NARF: variants seen among roughly 807,000 people sequenced by gnomAD.
The protein encoded by NARF is iron-only hydrogenase-like protein 2.
Under a neutral mutation model 48.0 loss-of-function variants are expected in NARF, and 41 were observed. The observed-to-expected ratio is 0.85, with a 90% CI of 0.66 to 1.11. The LOEUF (loss-of-function observed/expected upper bound fraction) is 1.11, where lower values mean the gene tolerates loss of function less well. NARF is among the 50% of genes least tolerant of loss of function. The pLI is 0.00. For missense variants in NARF, 613 were observed against 590.2 expected (o/e 1.04, Z -0.40); for synonymous variants, 215 against 225.5 (o/e 0.95, Z 0.42).
rs749733082 is a variant in NARF, at chr17:82,485,673, C to T, written c.1129+19C>T. 10 of 1,612,926 alleles carry T rather than the reference C, an allele frequency of 6.2e-6. No individual in the cohort carries two copies. In the Admixed American group the frequency reaches 1.7e-4, roughly 27 times the overall value. Reference sequence around the variant, plus strand: ...GCTGGAGGTGAGGCGCCAAGAGCAGCACCTGGCTCTGTCTCCCACGGGTGC... The same window carrying T: ...GCTGGAGGTGAGGCGCCAAGAGCAGTACCTGGCTCTGTCTCCCACGGGTGC... On this transcript the variant is annotated intron_variant, in intron 10 of 10. Transcript: ENST00000309794.
intron 9 of NARF, 84 bp downstream of exon 9, chr17:82,485,034 G>T: frequency 6.9e-7 from 1 of 1,445,442 alleles, no homozygotes; most frequent in South Asian, 1.5e-5. Flanking sequence ...GCATGTGGCG[G>T]TTCTATGGAT....
chr17:82,466,113 A>T (rs2143843262), intron 3 of NARF, among the ~76,000 whole-genome samples: 1 of 152,306 alleles, frequency 6.6e-6, no homozygotes, highest in South Asian at 2.1e-4. Context: ...TGTTACGTTG[A>T]ACAGACTTAG....
chr17:82,475,329 A>G (rs1213693112), intron 5 of NARF, among the ~76,000 whole-genome samples: 1 of 152,214 alleles, frequency 6.6e-6, no homozygotes, highest in Non-Finnish European at 1.5e-5. Context: ...GGCCGGGCGC[A>G]GTGGCTCACG....
chr17:82,468,266 G>A (rs1288151056), intron 3 of NARF, among the ~76,000 whole-genome samples: 5 of 151,760 alleles, frequency 3.3e-5, no homozygotes, highest in African/African-American at 9.7e-5. Flanking sequence ...AGCTGAGATC[G>A]CGCCACTGTA....
At chr17:82,466,943 T>C (rs568985705) in intron 3 of NARF, among the ~76,000 whole-genome samples, 115 of 152,052 alleles carry the variant, frequency 7.6e-4, no homozygotes, top group African/African-American at 2.7e-3. Flanking sequence ...TCCACCTGCC[T>C]TGGCCTCCCA....
At chr17:82,484,098 C>T (rs1357647780) in intron 8 of NARF, 1 of 257,528 alleles carries the variant, frequency 3.9e-6, no homozygotes, top group African/African-American at 2.2e-5. Flanking sequence ...GCACCAGCCC[C>T]CTTCTTCCTG....
intron 10 of NARF, among the ~76,000 whole-genome samples, chr17:82,487,302 G>A (rs774773058): frequency 1.1e-4 from 17 of 152,040 alleles, no homozygotes; most frequent in Non-Finnish European, 2.2e-4. Flanking sequence ...TGGCCAACAT[G>A]GTAAAACCCT....
intron 5 of NARF, among the ~76,000 whole-genome samples, chr17:82,473,254 T>C (rs1358355775): frequency 6.6e-6 from 1 of 150,528 alleles, no homozygotes; most frequent in African/African-American, 2.4e-5. Flanking sequence ...GCAGATCTCT[T>C]GAGCCCAGGA....
chr17:82,470,851 G>A (rs942735798), intron 4 of NARF, among the ~76,000 whole-genome samples: 2 of 151,956 alleles, frequency 1.3e-5, no homozygotes, highest in African/African-American at 4.8e-5. Flanking sequence ...GGGAGGGGGA[G>A]AAACAAAAAA....
chr17:82,482,443 A>AAAATAAAACATGCGCGGTGGGCTGTT (rs1567944588), intron 7 of NARF: 3 of 69,956 alleles, frequency 4.3e-5, no homozygotes, highest in African/African-American at 2.6e-4. Flanking sequence ...GTGGGCTGTC[A>AAAATAAAACATGCGCGGTGGGCTGTT]GAAGAACCAT....
intron 5 of NARF, among the ~76,000 whole-genome samples, chr17:82,475,873 C>T (rs560804537): frequency 1.1e-4 from 17 of 152,192 alleles, no homozygotes; most frequent in Non-Finnish European, 1.6e-4. Flanking sequence ...CCCAGTAGGA[C>T]CTCTCATAAG....
intron 7 of NARF, among the ~76,000 whole-genome samples, 177 bp from the exon 8 acceptor site, chr17:82,483,539 A>G (rs990515456): frequency 6.6e-6 from 1 of 152,116 alleles, no homozygotes; most frequent in African/African-American, 2.4e-5. Context: ...CTTACGTTTT[A>G]TTAGTGTTTC....
upstream of NARF, chr17:82,458,486 A>C (rs1392556060): frequency 3.0e-6 from 1 of 334,222 alleles, no homozygotes. Context: ...AAACCGGCGC[A>C]AGGACCCGGT....
At chr17:82,464,263 A>T in intron 2 of NARF, 24 bp from the exon 3 acceptor site, 1 of 1,609,366 alleles carries the variant, frequency 6.2e-7, no homozygotes, top group Non-Finnish European at 8.5e-7. Context: ...TTGAATAATC[A>T]TGCTGAAACG....
At position 82,478,926 on chromosome 17, in the gene NARF, G is replaced by T; in HGVS notation, c.639+8G>T. On this transcript the variant is annotated splice_region_variant and intron_variant, in intron 6 of 10. Transcript: ENST00000309794. ...TATTTCGCCAGACAGCAGGTAAGCT[G>T]ACCTCTCTGGAGGGCAGGAAGGGCA... 2 of 1,611,548 alleles carry T rather than the reference G, an allele frequency of 1.2e-6. No homozygotes were observed. Among genetic ancestry groups the T allele is most frequent in the South Asian group, 2.2e-5 (2 of 90,858 alleles).
At chr17:82,483,360 A>G (rs72859145) in intron 7 of NARF, 7,025 of 304,546 alleles carry the variant, frequency 0.023, 125 homozygotes, top group Non-Finnish European at 0.031. Context: ...TCATCATCCT[A>G]TCTCTGTGAG....
At chr17:82,462,186 CAG>C (rs909419398) in intron 2 of NARF, among the ~76,000 whole-genome samples, 4 of 152,168 alleles carry the variant, frequency 2.6e-5, no homozygotes, top group African/African-American at 9.7e-5. Flanking sequence ...GTGATGGACA[CAG>C]GGTGAGAGGA....
intron 2 of NARF, 34 bp downstream of exon 2, chr17:82,460,106 A>G (rs766650315): frequency 3.1e-5 from 48 of 1,562,424 alleles, no homozygotes; most frequent in South Asian, 1.1e-5. Flanking sequence ...ATCAGCCCAG[A>G]GTAAACTACT....
chr17:82,463,145 A>G (rs1348963657), intron 2 of NARF: 2 of 152,206 alleles, frequency 1.3e-5, no homozygotes. Flanking sequence ...GAGGAGGCAC[A>G]TCCATAGCCG....
Sources: allele counts gnomAD v4.1 joint callset (sites outside exome capture counted in the v4.1 genomes callset), GRCh38; gene constraint gnomAD v4.1.1; transcripts MANE v1.5; gene names NCBI Gene and HGNC (gene_info 2026-07-23, HGNC 2026-07-21).